EPYC: variants seen among roughly 807,000 people sequenced by gnomAD.
The protein encoded by EPYC is dermatan sulfate proteoglycan 3.
In EPYC, 28 loss-of-function variants were observed where a neutral mutation model predicts 30.1. The ratio of observed to expected loss-of-function variants is 0.93; its 90% confidence interval spans 0.69 to 1.28. EPYC has a LOEUF of 1.28. Among genes scored for constraint, EPYC ranks in the 50% most tolerant of loss-of-function variants. EPYC has a pLI of 0.00. For missense variants in EPYC, 382 were observed against 383.5 expected (o/e 1.00, Z 0.03); for synonymous variants, 144 against 141.4 (o/e 1.02, Z -0.13).
chr12:90,974,321 A>G (rs1877131269), intron 3 of EPYC, among the ~76,000 whole-genome samples: 1 of 152,134 alleles, frequency 6.6e-6, no homozygotes, highest in Admixed American at 6.6e-5. Context: ...TGGTTATCAG[A>G]GCATTTACAA....
rs565037850 is a variant in EPYC, at chr12:90,978,384, CA to C, written c.166-123del. On this transcript the variant is annotated intron_variant, in intron 2 of 6. Transcript: ENST00000261172. ...AAGAGGACACTCATGTTCTAAAGTTCAATAGTTTGACCATCCTGCTTGCTTG... is the reference window on the plus strand; with the variant it reads ...AAGAGGACACTCATGTTCTAAAGTTCATAGTTTGACCATCCTGCTTGCTTG... 6.4e-5 allele frequency: 59 copies of C among 915,066 alleles called. No homozygotes were observed. In the South Asian group the frequency reaches 9.7e-4, roughly 15 times the overall value. The allele number at this position is 915,066 out of a possible 1,614,324, so 56.7% of individuals were successfully genotyped here.
At chr12:90,981,523 C>T (rs1054872876) in intron 2 of EPYC, among the ~76,000 whole-genome samples, 27 of 152,096 alleles carry the variant, frequency 1.8e-4, no homozygotes, top group African/African-American at 6.5e-4. Flanking sequence ...TAAAAACACT[C>T]AGAACCATTT....
chr12:90,989,614 T>A (rs916169663), intron 2 of EPYC, among the ~76,000 whole-genome samples: 2 of 152,022 alleles, frequency 1.3e-5, no homozygotes, highest in Non-Finnish European at 2.9e-5. Flanking sequence ...AAGTGAAAAA[T>A]TCCATGCCAA....
intron 2 of EPYC, among the ~76,000 whole-genome samples, chr12:90,987,595 A>G (rs1052179932): frequency 5.3e-5 from 8 of 152,324 alleles, no homozygotes; most frequent in African/African-American, 1.7e-4. Context: ...ACATGCTAAC[A>G]TATTATGAAA....
In EPYC at chr12:91,002,308, T is replaced by TA. The variant is rs959062438; in HGVS notation, c.165+92dup. The TA allele has an allele frequency of 1.6e-4, 174 of 1,087,068 alleles. 1 individual carries two copies. Among genetic ancestry groups the TA allele is most frequent in the African/African-American group, 1.2e-3 (74 of 62,580 alleles). The allele number at this position is 1,087,068 out of a possible 1,614,324, so 67.3% of individuals were successfully genotyped here. ...TATTAACATAAAATCTTTCTACTTA[T>TA]AAAAAAACCCAAACATCTATTTGAG... On this transcript the variant is annotated intron_variant, in intron 2 of 6. Coordinates refer to ENST00000261172, the MANE Select transcript of EPYC (RefSeq NM_004950.5).
At chr12:90,989,719 CTCT>C (rs1877539142) in intron 2 of EPYC, among the ~76,000 whole-genome samples, 1 of 151,984 alleles carries the variant, frequency 6.6e-6, no homozygotes, top group Non-Finnish European at 1.5e-5. Context: ...TCACATACTT[CTCT>C]TCTTACTTCC....
chr12:90,975,257 T>C (rs185107551), intron 3 of EPYC, among the ~76,000 whole-genome samples: 10 of 152,218 alleles, frequency 6.6e-5, no homozygotes, highest in African/African-American at 2.2e-4. Flanking sequence ...TTCTTCTATA[T>C]ATTTATCACC....
intron 2 of EPYC, among the ~76,000 whole-genome samples, chr12:90,987,909 A>T (rs1311385075): frequency 6.6e-6 from 1 of 152,120 alleles, no homozygotes; most frequent in Non-Finnish European, 1.5e-5. Flanking sequence ...TAGCCTCTTT[A>T]TCTCGGTCAC....
intron 2 of EPYC, among the ~76,000 whole-genome samples, chr12:90,992,487 A>G (rs1877608402): frequency 6.6e-6 from 1 of 152,204 alleles, no homozygotes; most frequent in Non-Finnish European, 1.5e-5. Flanking sequence ...CTGGCTGAAA[A>G]TACATGCTCA....
chr12:90,963,894 A>G lies in EPYC; in HGVS notation c.*262T>C, dbSNP rs1338575491. 3.8e-6 allele frequency: 1 copy of G among 265,736 alleles called. No homozygotes were observed. The highest frequency in any genetic ancestry group is 6.5e-5 in the East Asian group (1 of 15,306). 16.5% of individuals were successfully genotyped at this position (265,736 alleles called of 1,614,324 possible). ...TGAACTCCTAAAACTTGCAAGTGAT[A>G]CATGATCTATAAGAACATGTGTGAA... On this transcript the variant is annotated 3_prime_UTR_variant, in exon 7 of 7. Coordinates refer to ENST00000261172, the MANE Select transcript of EPYC (RefSeq NM_004950.5).
intron 2 of EPYC, among the ~76,000 whole-genome samples, chr12:90,991,691 A>G (rs1172486580): frequency 6.6e-6 from 1 of 152,192 alleles, no homozygotes; most frequent in Non-Finnish European, 1.5e-5. Context: ...CACTGAAAAT[A>G]TAGATGAGGA....
chr12:90,988,751 C>T (rs1428051335), intron 2 of EPYC, among the ~76,000 whole-genome samples: 2 of 152,100 alleles, frequency 1.3e-5, no homozygotes, highest in African/African-American at 4.8e-5. Flanking sequence ...GAGATTCTAT[C>T]TTGCTGACAT....
intron 2 of EPYC, among the ~76,000 whole-genome samples, chr12:91,001,760 A>G (rs1021897063): frequency 1.3e-5 from 2 of 151,964 alleles, no homozygotes; most frequent in Admixed American, 6.6e-5. Flanking sequence ...TTTCCACATC[A>G]TTGCGTGCAT....
At chr12:90,967,669 G>T (rs1351007171) in intron 6 of EPYC, among the ~76,000 whole-genome samples, 2 of 152,122 alleles carry the variant, frequency 1.3e-5, no homozygotes, top group Non-Finnish European at 2.9e-5. Context: ...ATAGATAGTT[G>T]TTCTATCCAT....
chr12:90,986,839 C>T (rs923570103), intron 2 of EPYC, among the ~76,000 whole-genome samples: 1 of 152,182 alleles, frequency 6.6e-6, no homozygotes, highest in African/African-American at 2.4e-5. Context: ...CAAAAGCTAA[C>T]TGATACAGTT....
chr12:90,994,934 C>A (rs1279463489), intron 2 of EPYC, among the ~76,000 whole-genome samples: 6 of 151,948 alleles, frequency 3.9e-5, no homozygotes, highest in African/African-American at 1.5e-4. Context: ...AATCTTGAAG[C>A]TACTCCTCTG....
At position 90,972,870 on chromosome 12, in the gene EPYC, G is replaced by T. The variant is rs114231682; in HGVS notation, c.451C>A (p.Arg151Ser). The T allele has an allele frequency of 2.5e-6, 4 of 1,613,534 alleles. No homozygotes were observed. Among genetic ancestry groups the T allele is most frequent in the Non-Finnish European group, 3.4e-6 (4 of 1,179,688 alleles). ...TTGATCTTTTTAATTCTGTTAAAGC[G>T]GGAATAGAAATAAGCGGTGTTCTTT... is the stretch of plus-strand genomic sequence containing the variant. Reference protein sequence around the residue: ...LPKNTAYFYSRFNRIKKINKN... With the variant: ...LPKNTAYFYSSFNRIKKINKN... The change falls in exon 4 of 7, where the codon CGC (arginine) becomes AGC (serine). Residue 151 changes from arginine (R) to serine (S), a missense_variant. Coordinates refer to ENST00000261172, the MANE Select transcript of EPYC (RefSeq NM_004950.5).
intron 2 of EPYC, among the ~76,000 whole-genome samples, chr12:90,982,802 T>C (rs575786216): frequency 6.6e-6 from 1 of 152,246 alleles, no homozygotes; most frequent in Non-Finnish European, 1.5e-5. Context: ...ATCCATGCTA[T>C]CTCAAATGAC....
chr12:90,991,323 A>G (rs1270553693), intron 2 of EPYC, among the ~76,000 whole-genome samples: 2 of 152,170 alleles, frequency 1.3e-5, no homozygotes, highest in Non-Finnish European at 2.9e-5. Flanking sequence ...GAAACGTGGA[A>G]TTAGGGAAGA....
Sources: allele counts gnomAD v4.1 joint callset (sites outside exome capture counted in the v4.1 genomes callset), GRCh38; gene constraint gnomAD v4.1.1; transcripts MANE v1.5; gene names NCBI Gene and HGNC (gene_info 2026-07-23, HGNC 2026-07-21).